Variants in SEMA3C observed in about 807,000 individuals in gnomAD.
SEMA3C encodes semaphorin 3C, also known as semaphorin-3C.
Under a neutral mutation model 89.4 loss-of-function variants are expected in SEMA3C, and 47 were observed. That is an observed-to-expected ratio of 0.53 (90% CI 0.42 to 0.67). SEMA3C has a LOEUF of 0.67. SEMA3C is among the 30% of genes least tolerant of loss of function. The pLI, the probability that SEMA3C is intolerant of heterozygous loss-of-function variation, is 0.00. For synonymous variants in SEMA3C, 310 were observed against 320.2 expected, an observed-to-expected ratio of 0.97 and a Z score of 0.34; for missense variants, 839 against 929.1, an observed-to-expected ratio of 0.90 and a Z score of 1.26.
At chr7:80,815,339 T>C (rs1393597396) in intron 5 of SEMA3C, among the ~76,000 whole-genome samples, 3 of 151,992 alleles carry the variant, frequency 2.0e-5, no homozygotes, top group African/African-American at 2.4e-5. Flanking sequence ...GAATCTGCCA[T>C]TAATTAAACA....
intron 2 of SEMA3C, among the ~76,000 whole-genome samples, chr7:80,859,057 C>G (rs1055903692): frequency 1.3e-5 from 2 of 151,798 alleles, no homozygotes; most frequent in Non-Finnish European, 2.9e-5. Flanking sequence ...TTGAAACTCC[C>G]TCGTGAAACA....
rs759741591 is a variant in SEMA3C at position 80,827,461 on chromosome 7, T to C, written c.291A>G (p.Lys97=). Residue 97 remains lysine (K), a synonymous_variant, in exon 4 of 18, where the codon AAA becomes AAG. Transcript: ENST00000265361. ...LSVFWPASTI[K]VEECKMAGKD... is the part of the protein sequence containing the mutation. ...TGCCAGCCATTTTGCATTCTTCAACTTTGATTGTAGATGCTGGCCAGAAAA... is the reference window on the plus strand; with the variant it reads ...TGCCAGCCATTTTGCATTCTTCAACCTTGATTGTAGATGCTGGCCAGAAAA... The C allele has an allele frequency of 3.1e-6, 5 of 1,600,418 alleles. No homozygotes were observed. Among genetic ancestry groups the C allele is most frequent in the Non-Finnish European group, 4.3e-6 (5 of 1,174,684 alleles).
chr7:80,864,291 T>A (rs987636295), intron 2 of SEMA3C, among the ~76,000 whole-genome samples: 1 of 152,010 alleles, frequency 6.6e-6, no homozygotes, highest in African/African-American at 2.4e-5. Context: ...TATGGTGCAG[T>A]GTACAATGCT....
intron 12 of SEMA3C, among the ~76,000 whole-genome samples, chr7:80,776,721 TTTC>T (rs1370752085): frequency 6.6e-6 from 1 of 152,222 alleles, no homozygotes; most frequent in Admixed American, 6.5e-5. Flanking sequence ...AAAAATATAT[TTTC>T]TTGTTTTTGC....
Position 80,798,904 on chromosome 7 carries a change from A to G in SEMA3C, c.987-668T>C, listed in dbSNP as rs181469783. Among the ~76,000 whole-genome samples the G allele has an allele frequency of 1.5e-4, 23 of 152,306 alleles. No individual in the cohort carries two copies. In the East Asian group the frequency reaches 3.9e-3, roughly 26 times the overall value. Reference sequence around the variant, plus strand: ...TGAAATCAGTATTTCTCTGACTCACATATTTATTTCAAATTAGACGTCTAA... The same window carrying G: ...TGAAATCAGTATTTCTCTGACTCACGTATTTATTTCAAATTAGACGTCTAA... On this transcript the variant is annotated intron_variant, in intron 10 of 17. Transcript: ENST00000265361.
Position 80,789,325 on chromosome 7 carries a change from A to G in SEMA3C, c.1335T>C (p.His445=). The G allele has an allele frequency of 6.2e-7, 1 of 1,613,718 alleles. No homozygotes were observed. Among genetic ancestry groups the G allele is most frequent in the Non-Finnish European group, 8.5e-7 (1 of 1,179,772 alleles). The change falls in exon 12 of 18, where the codon CAT becomes CAC. Residue 445 remains histidine, a synonymous_variant. Coordinates refer to ENST00000265361, the MANE Select transcript of SEMA3C (RefSeq NM_006379.5). ...ATTTACCTGTTCCGAGAAACAGGACATGGTATCTCCCATCAGCAGCGTTCA... is the reference window on the plus strand; with the variant it reads ...ATTTACCTGTTCCGAGAAACAGGACGTGGTATCTCCCATCAGCAGCGTTCA... ...DRVNAADGRY[H]VLFLGTDRGT... is the part of the protein sequence containing the mutation.
intron 17 of SEMA3C, 50 bp from the exon 18 acceptor site, chr7:80,745,357 T>TA (rs777947232): frequency 2.6e-6 from 4 of 1,536,740 alleles, no homozygotes; most frequent in Non-Finnish European, 8.9e-7. Context: ...TATATTTCCT[T>TA]AGATTATGAC....
chr7:80,905,486 G>A (rs986059560), intron 2 of SEMA3C, among the ~76,000 whole-genome samples: 20 of 152,090 alleles, frequency 1.3e-4, no homozygotes, highest in African/African-American at 4.8e-4. Context: ...ACTCTGCACA[G>A]TTACAGGCAC....
intron 2 of SEMA3C, among the ~76,000 whole-genome samples, chr7:80,901,658 A>C (rs59933333): frequency 0.017 from 2,517 of 152,300 alleles, 66 homozygotes; most frequent in African/African-American, 0.054. Context: ...GTTTTCTGTG[A>C]CTACAATTTT....
rs1017434866 is a variant in SEMA3C, at chr7:80,828,815, C to T, written c.104-70G>A. The T allele has an allele frequency of 4.2e-6, 5 of 1,185,284 alleles. No individual in the cohort carries two copies. In the African/African-American group the frequency reaches 4.7e-5, roughly 11 times the overall value. The allele number at this position is 1,185,284 out of a possible 1,614,324, so 73.4% of individuals were successfully genotyped here. ...TATAATTCTATTATTTTAATAAAAA[C>T]TATTATGCAAATATTCCAAAAAATG... On this transcript the variant is annotated intron_variant, in intron 2 of 17. Transcript: ENST00000265361.
chr7:80,863,351 A>AC (rs909229077), intron 2 of SEMA3C, among the ~76,000 whole-genome samples: 7 of 151,852 alleles, frequency 4.6e-5, no homozygotes, highest in East Asian at 1.9e-4. Flanking sequence ...AAAAAAAAAA[A>AC]AAACAGTAGA....
At chr7:80,828,840 G>T (rs972982605) in intron 2 of SEMA3C, 95 bp from the exon 3 acceptor site, 10 of 970,408 alleles carry the variant, frequency 1.0e-5, no homozygotes, top group Non-Finnish European at 1.5e-5. Flanking sequence ...TCCAAAAAAT[G>T]TCAAGGTACA....
intron 4 of SEMA3C, 97 bp from the exon 5 acceptor site, chr7:80,818,515 A>G (rs1237409023): frequency 7.3e-7 from 1 of 1,365,036 alleles, no homozygotes; most frequent in Admixed American, 2.0e-5. Context: ...ATAAGTAACA[A>G]TGAGGTGACA....
intron 5 of SEMA3C, 80 bp from the exon 6 acceptor site, chr7:80,810,781 T>C: frequency 3.7e-6 from 4 of 1,081,560 alleles, no homozygotes; most frequent in South Asian, 1.3e-5. Context: ...AAACAAAGCA[T>C]CATTAAAATT....
At chr7:80,820,587 A>ATTAACTCTAG (rs574970782) in intron 4 of SEMA3C, among the ~76,000 whole-genome samples, 146 of 152,276 alleles carry the variant, frequency 9.6e-4, no homozygotes, top group Non-Finnish European at 1.9e-3. Context: ...ATAATCAATC[A>ATTAACTCTAG]TTAACTCTAG....
At chr7:80,747,259 T>G (rs575688279) in intron 17 of SEMA3C, among the ~76,000 whole-genome samples, 1 of 152,212 alleles carries the variant, frequency 6.6e-6, no homozygotes, top group East Asian at 1.9e-4. Context: ...AAACAGAACT[T>G]TGGAAATATT....
chr7:80,842,620 TA>T (rs1790295928), intron 2 of SEMA3C, among the ~76,000 whole-genome samples: 1 of 152,166 alleles, frequency 6.6e-6, no homozygotes. Flanking sequence ...GTCACCTTTT[TA>T]ATGCAGAGGG....
At chr7:80,818,264 T>C in intron 5 of SEMA3C, 35 bp downstream of exon 5, 1 of 1,540,122 alleles carries the variant, frequency 6.5e-7, no homozygotes, top group Non-Finnish European at 8.8e-7. Flanking sequence ...TTGACACTAA[T>C]ATCAAAACTA....
intron 2 of SEMA3C, among the ~76,000 whole-genome samples, chr7:80,874,523 A>G (rs1583967373): frequency 6.6e-6 from 1 of 151,348 alleles, no homozygotes; most frequent in Non-Finnish European, 1.5e-5. Flanking sequence ...CTGGAGTGCA[A>G]TGGCACGATC....
Sources: gnomAD v4.1 joint callset for allele counts (sites outside exome capture counted in the v4.1 genomes callset) on GRCh38, gnomAD v4.1.1 for gene constraint, MANE v1.5 for transcripts, NCBI Gene and HGNC (gene_info 2026-07-23, HGNC 2026-07-21) for gene names.